CDT1: variants seen among roughly 807,000 people sequenced by gnomAD.
CDT1 encodes the protein chromatin licensing and DNA replication factor 1, also known as DNA replication factor Cdt1.
A neutral mutation model predicts 49.3 loss-of-function variants in CDT1; 66 were observed. The observed-to-expected ratio is 1.34, with a 90% CI of 1.10 to 1.64. The LOEUF (loss-of-function observed/expected upper bound fraction) is 1.64. Ranked by LOEUF, CDT1 falls within the 40% of genes most tolerant of loss-of-function variation. The pLI, the probability that CDT1 is intolerant of heterozygous loss-of-function variation, is 0.00. For synonymous variants in CDT1, 424 were observed against 347.4 expected (o/e 1.22, Z -2.45); for missense variants, 958 against 807.7 (o/e 1.19, Z -2.26).
intron 1 of CDT1, 75 bp from the exon 2 acceptor site, chr16:88,804,470 A>T (rs1850956434): frequency 6.4e-7 from 1 of 1,560,866 alleles, no homozygotes; most frequent in South Asian, 1.2e-5. Context: ...GCGGCTTCTG[A>T]TCCTTCGGGG....
intron 9 of CDT1, 125 bp downstream of exon 9, chr16:88,807,607 T>G (rs1380701720): frequency 1.0e-6 from 1 of 981,452 alleles, no homozygotes; most frequent in East Asian, 2.6e-5. Context: ...CAGTGGGCGC[T>G]GGCCTCTTGC....
In CDT1 at chr16:88,803,964, A is replaced by C; in HGVS notation, c.133A>C (p.Ser45Arg). ...ACTCCGCGCCCCGGCCTCCGCTACC[A>C]GTGGCAGCCGCAAGCGCGCCCGCCC... is the stretch of plus-strand genomic sequence containing the variant. ...PALRAPASAT[S>R]GSRKRARPPA... The change falls in exon 1 of 10, where the codon AGT (serine) becomes CGT (arginine). Residue 45 changes from serine to arginine, a missense_variant. Ser to Arg is a moderately radical substitution (Grantham distance 110, BLOSUM62 -1). Coordinates refer to ENST00000301019, the MANE Select transcript of CDT1 (RefSeq NM_030928.4). 1 of 1,430,760 alleles carries C rather than the reference A, an allele frequency of 7.0e-7. No individual in the cohort carries two copies. Among genetic ancestry groups the C allele is most frequent in the Non-Finnish European group, 9.1e-7 (1 of 1,095,216 alleles). The allele number at this position is 1,430,760 out of a possible 1,614,324, so 88.6% of individuals were successfully genotyped here. A position where few individuals can be genotyped will look rare whatever the true frequency, so the allele number is the denominator to read the frequency against.
At chr16:88,805,688 G>T in intron 4 of CDT1, 36 bp from the exon 5 acceptor site, 1 of 1,612,594 alleles carries the variant, frequency 6.2e-7, no homozygotes, top group Non-Finnish European at 8.5e-7. Context: ...GGGTGGGCCC[G>T]GGCCTGCCTC....
rs538165836 is a variant in CDT1, at chr16:88,805,633, C to T, written c.682C>T (p.Arg228Cys). ...KVQRGVQDMM[R>C]RRFEECNVGQ... is the part of the protein sequence containing the mutation. ...CCAGCGGGGCGTCCAGGACATGATG[C>T]GTAGGTGAGTGGCCGGGGGTGGGCT... is the stretch of plus-strand genomic sequence containing the variant. The change falls in exon 4 of 10, where the codon CGT becomes TGT. Residue 228 changes from arginine to cysteine, a missense_variant. Physicochemically the swap from Arg to Cys is radical, Grantham distance 180. Coordinates refer to ENST00000301019, the MANE Select transcript of CDT1 (RefSeq NM_030928.4). 7.4e-6 allele frequency: 12 copies of T among 1,612,670 alleles called. No individual in the cohort carries two copies. The highest frequency in any genetic ancestry group is 4.4e-5 in the South Asian group (4 of 91,076).
intron 1 of CDT1, 73 bp downstream of exon 1, chr16:88,804,132 G>A (rs1028716835): frequency 2.0e-6 from 2 of 1,002,582 alleles, no homozygotes; most frequent in East Asian, 3.5e-5. Context: ...CAGGGCTCGG[G>A]GAAACTGAGG....
intron 3 of CDT1, 112 bp downstream of exon 3, chr16:88,805,010 G>A: frequency 7.1e-7 from 1 of 1,412,468 alleles, no homozygotes; most frequent in Non-Finnish European, 9.4e-7. Flanking sequence ...GAGGGTGGTG[G>A]TGAGGTCACC....
In CDT1 at chr16:88,808,986, C is replaced by CGA; in HGVS notation, c.*711_*712dup. 5.9e-6 allele frequency: 1 copy of CGA among 169,756 alleles called. No individual in the cohort carries two copies. The highest frequency in any genetic ancestry group is 1.4e-4 in the South Asian group (1 of 7,288). 10.5% of individuals were successfully genotyped at this position (169,756 alleles called of 1,614,324 possible). A position where few individuals can be genotyped will look rare whatever the true frequency, so the allele number is the denominator to read the frequency against. On this transcript the variant is annotated 3_prime_UTR_variant, in exon 10 of 10. Transcript: ENST00000301019. ...ACGCACTCCAGCCTGGGTGACAGAGCGAGACTCCGTCTCAAAAAAAAAAAT... is the reference window on the plus strand; with the variant it reads ...ACGCACTCCAGCCTGGGTGACAGAGCGAGAGACTCCGTCTCAAAAAAAAAAAT...
rs1342162490 is a variant in CDT1, at chr16:88,803,937, G to A, written c.106G>A (p.Ala36Thr). The change falls in exon 1 of 10, where the codon GCA becomes ACA. Residue 36 changes from alanine to threonine, a missense_variant. Physicochemically the swap from Ala to Thr is moderately conservative, Grantham distance 58 (BLOSUM62 0). Transcript: ENST00000301019. ...ACRTPSPARPALRAPASATSG... is the reference protein window; with the variant it reads ...ACRTPSPARPTLRAPASATSG... ...CCGCACCCCCAGCCCCGCCAGGCCC[G>A]CACTCCGCGCCCCGGCCTCCGCTAC... 1 of 1,396,230 alleles carries A rather than the reference G, an allele frequency of 7.2e-7. No homozygotes were observed. Among genetic ancestry groups the A allele is most frequent in the Non-Finnish European group, 9.3e-7 (1 of 1,075,154 alleles). 86.5% of individuals were successfully genotyped at this position (1,396,230 alleles called of 1,614,324 possible). A position where few individuals can be genotyped will look rare whatever the true frequency, so the allele number is the denominator to read the frequency against.
chr16:88,806,826 C>G (rs919728012), intron 7 of CDT1, 152 bp downstream of exon 7: 3 of 1,224,800 alleles, frequency 2.4e-6, no homozygotes, highest in African/African-American at 1.5e-5. Flanking sequence ...GGCATTTGCC[C>G]TCTGTCCCCA....
rs913988860 is a variant in CDT1, at chr16:88,809,256, C to A, written c.*978C>A. On this transcript the variant is annotated 3_prime_UTR_variant, in exon 10 of 10. Coordinates refer to ENST00000301019, the MANE Select transcript of CDT1 (RefSeq NM_030928.4). Reference sequence around the variant, plus strand: ...TCTAATAAAGTCATGCTTACAGCCACTAGATCTGCAGAAGAGCCCTCGCTT... The same window carrying A: ...TCTAATAAAGTCATGCTTACAGCCAATAGATCTGCAGAAGAGCCCTCGCTT... The A allele has an allele frequency of 2.8e-6, 1 of 360,648 alleles. No homozygotes were observed. The highest frequency in any genetic ancestry group is 2.1e-5 in the African/African-American group (1 of 46,996). 22.3% of individuals were successfully genotyped at this position (360,648 alleles called of 1,614,324 possible).
chr16:88,806,946 TGCTG>T (rs1908878922), intron 7 of CDT1, 101 bp from the exon 8 acceptor site: 1 of 1,434,466 alleles, frequency 7.0e-7, no homozygotes, highest in Non-Finnish European at 9.8e-7. Flanking sequence ...CCACCCAGTG[TGCTG>T]GGTGAACTTG....
chr16:88,808,306 G>C lies in CDT1; in HGVS notation c.*28G>C. ...CTGGGGGCCACTGTGGACAGACGTG[G>C]GCTTCAGAAGCTCGCTGGCCTGGGC... On this transcript the variant is annotated 3_prime_UTR_variant, in exon 10 of 10. Transcript: ENST00000301019. 6.4e-7 allele frequency: 1 copy of C among 1,557,808 alleles called. No homozygotes were observed. The highest frequency in any genetic ancestry group is 1.7e-4 in the Middle Eastern group (1 of 6,000).
At chr16:88,807,507 G>C in intron 9 of CDT1, 25 bp downstream of exon 9, 1 of 1,605,478 alleles carries the variant, frequency 6.2e-7, no homozygotes, top group Non-Finnish European at 8.5e-7. Context: ...GGGTGAAGGG[G>C]CGTGCAGGGT....
Position 88,803,873 on chromosome 16 carries a change from C to A in CDT1, c.42C>A (p.Arg14=), listed in dbSNP as rs928805845. 5.4e-6 allele frequency: 8 copies of A among 1,476,086 alleles called. No homozygotes were observed. Among genetic ancestry groups the A allele is most frequent in the Non-Finnish European group, 7.2e-6 (8 of 1,111,046 alleles). The allele number at this position is 1,476,086 out of a possible 1,614,324, so 91.4% of individuals were successfully genotyped here. The change falls in exon 1 of 10, where the codon CGC becomes CGA. Residue 14 remains arginine, a synonymous_variant. Transcript: ENST00000301019. ...RRVTDFFARR[R]PGPPRIAPPK... Reference sequence around the variant, plus strand: ...TCACCGACTTCTTCGCGCGCCGCCGCCCCGGGCCCCCCCGCATCGCGCCGC... The same window carrying A: ...TCACCGACTTCTTCGCGCGCCGCCGACCCGGGCCCCCCCGCATCGCGCCGC...
rs1567503820 is a variant in CDT1, at chr16:88,809,037, A to T, written c.*759A>T. ...TTCAAGACTGGAGAGGTGATCCTGA[A>T]TTGTCCAGCTACGCCCCATGTCATC... On this transcript the variant is annotated 3_prime_UTR_variant, in exon 10 of 10. Coordinates refer to ENST00000301019, the MANE Select transcript of CDT1 (RefSeq NM_030928.4). The T allele has an allele frequency of 5.4e-6, 1 of 185,004 alleles. No individual in the cohort carries two copies. Among genetic ancestry groups the T allele is most frequent in the Non-Finnish European group, 1.1e-5 (1 of 87,188 alleles). The allele number at this position is 185,004 out of a possible 1,614,324, so 11.5% of individuals were successfully genotyped here. A position where few individuals can be genotyped will look rare whatever the true frequency, so the allele number is the denominator to read the frequency against.
Position 88,808,144 on chromosome 16 carries a change from T to G in CDT1, c.1507T>G (p.Ser503Ala), listed in dbSNP as rs147828044. ...AATGGAGAAGCACCTGCTGCTCCTCTCCGAGCTGCTGCCGGACTGGCTCAG... is the reference window on the plus strand; with the variant it reads ...AATGGAGAAGCACCTGCTGCTCCTCGCCGAGCTGCTGCCGGACTGGCTCAG... ...GEMEKHLLLLSELLPDWLSLH... is the reference protein window; with the variant it reads ...GEMEKHLLLLAELLPDWLSLH... The change falls in exon 10 of 10, where the codon TCC (serine) becomes GCC (alanine). Residue 503 changes from serine (S) to alanine (A), a missense_variant. Transcript: ENST00000301019. 522 of 1,612,770 alleles carry G rather than the reference T, an allele frequency of 3.2e-4. 5 individuals are homozygous for G. In the African/African-American group the frequency reaches 6.4e-3, roughly 20 times the overall value.
Position 88,809,232 on chromosome 16 carries a change from C to T in CDT1, c.*954C>T. The T allele has an allele frequency of 2.8e-6, 1 of 355,572 alleles. No individual in the cohort carries two copies. Among genetic ancestry groups the T allele is most frequent in the Non-Finnish European group, 5.6e-6 (1 of 180,102 alleles). 22.0% of individuals were successfully genotyped at this position (355,572 alleles called of 1,614,324 possible). A position where few individuals can be genotyped will look rare whatever the true frequency, so the allele number is the denominator to read the frequency against. On this transcript the variant is annotated 3_prime_UTR_variant, in exon 10 of 10. Transcript: ENST00000301019. ...TTCAGTATTTCTGACCTCCTAAACT[C>T]TAATAAAGTCATGCTTACAGCCACT...
Position 88,807,183 on chromosome 16 carries a change from T to TC in CDT1, c.1258dup (p.Gln420ProfsTer37). ...CTCTCCCAGTGCTCTGAAGGGGGTG[T>TC]CCCAGGATCTGCTGGAGCGGGTGAG... On this transcript the variant is annotated frameshift_variant, in exon 8 of 10. Transcript: ENST00000301019. LOFTEE classifies it high-confidence loss of function. The TC allele has an allele frequency of 6.2e-7, 1 of 1,612,372 alleles. No individual in the cohort carries two copies. The highest frequency in any genetic ancestry group is 8.5e-7 in the Non-Finnish European group (1 of 1,179,780).
chr16:88,804,087 G>C (rs1908753694), intron 1 of CDT1, 28 bp downstream of exon 1: 2 of 1,355,706 alleles, frequency 1.5e-6, no homozygotes, highest in African/African-American at 1.5e-5. Flanking sequence ...ACTGAGGCCG[G>C]GGAGTTGGGG....
Sources: allele counts gnomAD v4.1 joint callset, GRCh38; gene constraint gnomAD v4.1.1; transcripts MANE v1.5; gene names NCBI Gene and HGNC (gene_info 2026-07-23, HGNC 2026-07-21).